Variants in OPCML observed in about 807,000 individuals in gnomAD.
The protein encoded by OPCML is opioid binding protein/cell adhesion molecule like, also known as opioid-binding protein/cell adhesion molecule.
A neutral mutation model predicts 37.8 loss-of-function variants in OPCML; 13 were observed. The observed-to-expected ratio is 0.34, with a 90% CI of 0.22 to 0.55. The LOEUF (loss-of-function observed/expected upper bound fraction) is 0.55, where lower values mean the gene tolerates loss of function less well. OPCML is among the 20% of genes least tolerant of loss of function. The pLI is 0.91. For missense variants in OPCML, 341 were observed against 435.6 expected (o/e 0.78, Z 1.93); for synonymous variants, 176 against 168.8 (o/e 1.04, Z -0.33).
chr11:132,470,871 A>C (rs2096136142), intron 4 of OPCML, among the ~76,000 whole-genome samples: 1 of 152,166 alleles, frequency 6.6e-6, no homozygotes, highest in Non-Finnish European at 1.5e-5. Flanking sequence ...AAGACCAGTT[A>C]GGATTATTTA....
intron 2 of OPCML, among the ~76,000 whole-genome samples, chr11:132,917,910 T>C (rs1419109550): frequency 1.3e-5 from 2 of 152,226 alleles, no homozygotes; most frequent in Non-Finnish European, 2.9e-5. Context: ...TGGGTCTTTA[T>C]ACAGAAAACA....
At chr11:133,126,364 G>C (rs994572957) in intron 1 of OPCML, among the ~76,000 whole-genome samples, 1 of 152,104 alleles carries the variant, frequency 6.6e-6, no homozygotes, top group Non-Finnish European at 1.5e-5. Flanking sequence ...AGGGTGATCT[G>C]AATTCAGCCT....
chr11:133,005,501 T>C, intron 1 of OPCML: 1 of 985,420 alleles, frequency 1.0e-6, no homozygotes, highest in Non-Finnish European at 1.2e-6. Flanking sequence ...AGGTCATATT[T>C]GGTAGAGTGA....
chr11:133,079,818 A>G (rs1948681785), intron 1 of OPCML, among the ~76,000 whole-genome samples: 1 of 151,844 alleles, frequency 6.6e-6, no homozygotes, highest in Non-Finnish European at 1.5e-5. Context: ...GCATCCCCCA[A>G]CCTTCTCCAT....
At chr11:133,354,560 A>T (rs550398252) in intron 1 of OPCML, among the ~76,000 whole-genome samples, 35 of 152,144 alleles carry the variant, frequency 2.3e-4, no homozygotes, top group Non-Finnish European at 3.8e-4. Flanking sequence ...TTTGTTAACC[A>T]ACAGATTATT....
chr11:133,382,666 T>C (rs1944956352), intron 1 of OPCML, among the ~76,000 whole-genome samples: 1 of 152,176 alleles, frequency 6.6e-6, no homozygotes, highest in African/African-American at 2.4e-5. Flanking sequence ...TAAATGTCTT[T>C]CAACCTTTAA....
chr11:132,588,917 T>C (rs1354281232), intron 3 of OPCML, among the ~76,000 whole-genome samples: 1 of 152,192 alleles, frequency 6.6e-6, no homozygotes, highest in African/African-American at 2.4e-5. Context: ...TTCCAAGCAA[T>C]GCAATCTAAC....
intron 1 of OPCML, among the ~76,000 whole-genome samples, chr11:132,949,201 G>A (rs61909275): frequency 0.034 from 5,229 of 152,264 alleles, 122 homozygotes; most frequent in Middle Eastern, 0.061. Context: ...AACGTAAGGC[G>A]ACCCACCTGG....
At chr11:133,402,261 C>G (rs56148228) in intron 1 of OPCML, among the ~76,000 whole-genome samples, 13,677 of 151,976 alleles carry the variant, frequency 0.09, 694 homozygotes, top group Admixed American at 0.15. Flanking sequence ...AAAAAAAAAC[C>G]CTTCTGGCAA....
intron 1 of OPCML, among the ~76,000 whole-genome samples, chr11:133,372,941 C>G (rs1051225647): frequency 5.3e-5 from 8 of 152,054 alleles, no homozygotes; most frequent in African/African-American, 1.9e-4. Context: ...AATAATCAAG[C>G]TATTATTAAC....
intron 1 of OPCML, among the ~76,000 whole-genome samples, chr11:133,500,768 C>T (rs560919204): frequency 1.1e-4 from 16 of 152,298 alleles, no homozygotes; most frequent in South Asian, 4.1e-4. Context: ...TTACTCTCAA[C>T]GGATAGCACC....
At chr11:133,386,621 A>G (rs978403192) in intron 1 of OPCML, among the ~76,000 whole-genome samples, 5 of 152,220 alleles carry the variant, frequency 3.3e-5, no homozygotes, top group Non-Finnish European at 7.3e-5. Context: ...GGCAGGTTCA[A>G]AAAGCATTAC....
At chr11:133,204,056 C>T (rs1300699820) in intron 1 of OPCML, among the ~76,000 whole-genome samples, 5 of 28,078 alleles carry the variant, frequency 1.8e-4, no homozygotes, top group Non-Finnish European at 2.4e-4. Flanking sequence ...GAGACTCTGT[C>T]TCAAAAAAAA....
At chr11:133,398,985 C>G (rs1286676881) in intron 1 of OPCML, among the ~76,000 whole-genome samples, 5 of 152,150 alleles carry the variant, frequency 3.3e-5, no homozygotes, top group African/African-American at 7.2e-5. Flanking sequence ...TGCCAGATCC[C>G]TGGGGACAGG....
At chr11:133,136,323 C>T (rs116063233) in intron 1 of OPCML, among the ~76,000 whole-genome samples, 166 of 152,126 alleles carry the variant, frequency 1.1e-3, no homozygotes, top group Middle Eastern at 3.4e-3. Flanking sequence ...TGCTGCCAAA[C>T]TCAAACCCAC....
At chr11:132,793,552 G>C (rs554617303) in intron 2 of OPCML, among the ~76,000 whole-genome samples, 2 of 152,228 alleles carry the variant, frequency 1.3e-5, no homozygotes, top group South Asian at 2.1e-4. Flanking sequence ...GCACCAACTA[G>C]GGGGCCAGAG....
chr11:132,489,250 C>A (rs1367171201), intron 4 of OPCML, among the ~76,000 whole-genome samples: 1 of 152,130 alleles, frequency 6.6e-6, no homozygotes, highest in African/African-American at 2.4e-5. Flanking sequence ...CACATCCCGC[C>A]CCGCTGGGAG....
chr11:132,415,737 A>T lies in OPCML; in HGVS notation c.*4456T>A, dbSNP rs1565541431. On this transcript the variant is annotated 3_prime_UTR_variant, in exon 8 of 8. Coordinates refer to ENST00000524381, the MANE Select transcript of OPCML (RefSeq NM_001012393.5). ...CTCCACATTTCTTTGGACTCTAAGTATTCTGCACCTGAAGGCTAAATTGAA... is the reference window on the plus strand; with the variant it reads ...CTCCACATTTCTTTGGACTCTAAGTTTTCTGCACCTGAAGGCTAAATTGAA... 6.6e-6 allele frequency: 1 copy of T among 152,656 alleles called. No homozygotes were observed. Among genetic ancestry groups the T allele is most frequent in the Non-Finnish European group, 1.5e-5 (1 of 68,042 alleles). The allele number at this position is 152,656 out of a possible 1,614,324, so 9.5% of individuals were successfully genotyped here. A position where few individuals can be genotyped will look rare whatever the true frequency, so the allele number is the denominator to read the frequency against.
intron 2 of OPCML, among the ~76,000 whole-genome samples, chr11:132,731,301 G>A (rs1945067704): frequency 6.6e-6 from 1 of 152,166 alleles, no homozygotes; most frequent in African/African-American, 2.4e-5. Context: ...GAATGAATAT[G>A]GACCCAAACC....
Sources: gnomAD v4.1 joint callset for allele counts (sites outside exome capture counted in the v4.1 genomes callset) on GRCh38, gnomAD v4.1.1 for gene constraint, MANE v1.5 for transcripts, NCBI Gene and HGNC (gene_info 2026-07-23, HGNC 2026-07-21) for gene names.